SORCS3: variants seen among roughly 807,000 people sequenced by gnomAD.
SORCS3 encodes sortilin related VPS10 domain containing receptor 3, also known as VPS10 domain-containing receptor SorCS3.
In SORCS3, 57 loss-of-function variants were observed where a neutral mutation model predicts 146.3. That is an observed-to-expected ratio of 0.39 (90% CI 0.31 to 0.49). The LOEUF is 0.49. Among genes scored for constraint, SORCS3 ranks in the 20% least tolerant of loss-of-function variants. The pLI is 0.92. For missense variants in SORCS3, 1,341 were observed against 1,575.5 expected (o/e 0.85, Z 2.52); for synonymous variants, 653 against 618.5 (o/e 1.06, Z -0.83).
chr10:104,687,382 C>G (rs1180518786), intron 1 of SORCS3, among the ~76,000 whole-genome samples: 1 of 152,192 alleles, frequency 6.6e-6, no homozygotes, highest in African/African-American at 2.4e-5. Context: ...TGGAAAAACC[C>G]TTTCCTGATA....
chr10:105,049,854 G>A (rs921367267), intron 5 of SORCS3, among the ~76,000 whole-genome samples: 1 of 152,020 alleles, frequency 6.6e-6, no homozygotes, highest in Admixed American at 6.6e-5. Context: ...TACCTATTGG[G>A]TACTATGCTT....
intron 3 of SORCS3, among the ~76,000 whole-genome samples, chr10:104,969,346 C>T (rs1050968162): frequency 1.4e-4 from 21 of 147,808 alleles, no homozygotes; most frequent in East Asian, 3.9e-4. Context: ...TGTGTGCGCG[C>T]GCGCGTACAG....
At position 104,876,457 on chromosome 10, in the gene SORCS3, ATC is replaced by A. The variant is rs546775072; in HGVS notation, c.695+33600_695+33601del. Among the ~76,000 whole-genome samples, 1,195 of 152,314 alleles carry A rather than the reference ATC, an allele frequency of 7.8e-3. 12 individuals carry two copies. The highest frequency in any genetic ancestry group is 0.012 in the Non-Finnish European group (837 of 68,020). On this transcript the variant is annotated intron_variant, in intron 2 of 26. Transcript: ENST00000369701. ...CACAGAGGTTGTCTGGCACTTATAG[ATC>A]TGTTTCCACAGGCACAATATCAAAG...
intron 14 of SORCS3, among the ~76,000 whole-genome samples, chr10:105,190,862 A>G (rs1054338384): frequency 6.6e-6 from 1 of 152,252 alleles, no homozygotes; most frequent in Non-Finnish European, 1.5e-5. Context: ...ATCATAATAT[A>G]TAACCATACT....
chr10:104,815,654 A>G (rs1009295141), intron 1 of SORCS3, among the ~76,000 whole-genome samples: 1 of 151,846 alleles, frequency 6.6e-6, no homozygotes, highest in Non-Finnish European at 1.5e-5. Flanking sequence ...CCACAATGAC[A>G]TACTAAATAG....
At chr10:105,009,452 T>A (rs1351798525) in intron 4 of SORCS3, among the ~76,000 whole-genome samples, 1 of 150,362 alleles carries the variant, frequency 6.7e-6, no homozygotes, top group African/African-American at 2.5e-5. Flanking sequence ...GGAGATACAA[T>A]TTTTGCTGCA....
At chr10:104,881,572 G>T (rs1036918452) in intron 2 of SORCS3, among the ~76,000 whole-genome samples, 1 of 152,120 alleles carries the variant, frequency 6.6e-6, no homozygotes, top group Non-Finnish European at 1.5e-5. Flanking sequence ...TCTTTTAATA[G>T]AGAAAAAAGT....
intron 1 of SORCS3, among the ~76,000 whole-genome samples, chr10:104,692,405 T>C (rs1420047567): frequency 6.6e-6 from 1 of 152,146 alleles, no homozygotes; most frequent in Non-Finnish European, 1.5e-5. Context: ...GACTGAGTTT[T>C]CTGTATGTAC....
chr10:105,215,720 G>A (rs760025445), intron 18 of SORCS3, among the ~76,000 whole-genome samples: 67 of 152,242 alleles, frequency 4.4e-4, no homozygotes, highest in Non-Finnish European at 8.2e-4. Context: ...AGTTGACATT[G>A]TGTGGGGGGC....
chr10:105,190,697 T>A (rs1232073643), intron 14 of SORCS3, among the ~76,000 whole-genome samples: 1 of 152,168 alleles, frequency 6.6e-6, no homozygotes, highest in African/African-American at 2.4e-5. Context: ...CCACTGTGCC[T>A]GGCCTAGTAA....
chr10:105,259,812 G>A (rs2056950547), intron 25 of SORCS3, among the ~76,000 whole-genome samples: 1 of 152,124 alleles, frequency 6.6e-6, no homozygotes, highest in African/African-American at 2.4e-5. Flanking sequence ...ACTCATAATA[G>A]ATGGATAAAT....
chr10:105,096,152 GCA>G (rs1184598917), intron 6 of SORCS3, among the ~76,000 whole-genome samples: 1 of 144,886 alleles, frequency 6.9e-6, no homozygotes, highest in African/African-American at 2.5e-5. Context: ...AAACAAGCAG[GCA>G]CACACACACC....
At chr10:105,236,530 C>T (rs1394952651) in intron 20 of SORCS3, among the ~76,000 whole-genome samples, 1 of 152,086 alleles carries the variant, frequency 6.6e-6, no homozygotes, top group Non-Finnish European at 1.5e-5. Context: ...AGCTCATTTA[C>T]CTGATGATGA....
intron 22 of SORCS3, among the ~76,000 whole-genome samples, chr10:105,250,814 G>T (rs1346687347): frequency 6.6e-6 from 1 of 152,138 alleles, no homozygotes; most frequent in Non-Finnish European, 1.5e-5. Flanking sequence ...CTCCCTGGTT[G>T]GTGGACTCTT....
At chr10:104,933,400 GACA>G (rs1377066184) in intron 3 of SORCS3, among the ~76,000 whole-genome samples, 1 of 151,694 alleles carries the variant, frequency 6.6e-6, no homozygotes, top group Non-Finnish European at 1.5e-5. Flanking sequence ...ACCAATAGTA[GACA>G]ACACATTTTC....
chr10:104,777,651 C>A (rs1222983940), intron 1 of SORCS3, among the ~76,000 whole-genome samples: 2 of 152,198 alleles, frequency 1.3e-5, no homozygotes, highest in African/African-American at 2.4e-5. Flanking sequence ...TGCTGCACAT[C>A]CTGCAATGCA....
intron 2 of SORCS3, among the ~76,000 whole-genome samples, chr10:104,843,306 T>C (rs1047605467): frequency 6.6e-6 from 1 of 152,130 alleles, no homozygotes; most frequent in Non-Finnish European, 1.5e-5. Context: ...CAGATACACA[T>C]GGGAAGAGAT....
Position 105,157,073 on chromosome 10 carries a change from G to T in SORCS3, c.1483-65G>T, listed in dbSNP as rs2056216045. 3.2e-6 allele frequency: 5 copies of T among 1,578,000 alleles called. No individual in the cohort carries two copies. In the Admixed American group the frequency reaches 5.2e-5, roughly 16 times the overall value. ...TGGGAAATTCTGCGGCTTCTCTAAG[G>T]GCTTCTCCAAGACCAAAGGCATGTT... On this transcript the variant is annotated intron_variant, in intron 9 of 26. Transcript: ENST00000369701.
chr10:104,688,082 T>C (rs1414653292), intron 1 of SORCS3, among the ~76,000 whole-genome samples: 1 of 152,232 alleles, frequency 6.6e-6, no homozygotes, highest in African/African-American at 2.4e-5. Flanking sequence ...TACATTTATG[T>C]GTTGTTTATC....
Sources: gnomAD v4.1 joint callset for allele counts (sites outside exome capture counted in the v4.1 genomes callset) on GRCh38, gnomAD v4.1.1 for gene constraint, MANE v1.5 for transcripts, NCBI Gene and HGNC (gene_info 2026-07-23, HGNC 2026-07-21) for gene names.